The following ERC2 variants were observed in gnomAD, a reference collection of about 807,000 sequenced individuals.
The protein encoded by ERC2 is ERC protein 2.
A neutral mutation model predicts 114.8 loss-of-function variants in ERC2; 42 were observed. The ratio of observed to expected loss-of-function variants is 0.37; its 90% CI spans 0.29 to 0.47. ERC2 has a LOEUF of 0.47. ERC2 is among the 20% of genes least tolerant of loss of function. The probability of loss-of-function intolerance (pLI) is 0.99; values close to 1 mark genes in which losing one functional copy is unlikely to be tolerated. For missense variants in ERC2, 939 were observed against 1,150.7 expected, an observed-to-expected ratio of 0.82 and a Z score of 2.66; for synonymous variants, 454 against 425.5, an observed-to-expected ratio of 1.07 and a Z score of -0.82.
rs73073980 is a variant in ERC2 at position 56,373,988 on chromosome 3, C to T, written c.657+60363G>A. 6.1e-3 allele frequency among the ~76,000 whole-genome samples: 931 copies of T among 152,246 alleles called. 5 individuals are homozygous for T. The highest frequency in any genetic ancestry group is 0.01 in the Non-Finnish European group (697 of 68,020). On this transcript the variant is annotated intron_variant, in intron 2 of 17. Transcript: ENST00000288221. ...ACCTTTGATCCTCGTTGGCTGACTG[C>T]TGGTCTAAAGAGGAGTTGTCCCAGT...
In ERC2 at chr3:56,166,989, C is replaced by T. The variant is rs568653414; in HGVS notation, c.1149+6457G>A. Among the ~76,000 whole-genome samples the T allele has an allele frequency of 5.8e-4, 89 of 152,206 alleles. 1 individual carries two copies. The highest frequency in any genetic ancestry group is 2.0e-3 in the African/African-American group (83 of 41,548). On this transcript the variant is annotated intron_variant, in intron 4 of 17. Coordinates refer to ENST00000288221, the MANE Select transcript of ERC2 (RefSeq NM_015576.3). ...CTTTTAAATTTACAATGTCTTCTCTCAATCAAACTGAATGATTTGCTCTGC... is the reference window on the plus strand; with the variant it reads ...CTTTTAAATTTACAATGTCTTCTCTTAATCAAACTGAATGATTTGCTCTGC...
At position 56,227,312 on chromosome 3, in the gene ERC2, T is replaced by C. The variant is rs74947773; in HGVS notation, c.1075-53792A>G. On this transcript the variant is annotated intron_variant, in intron 3 of 17. Transcript: ENST00000288221. ...GGAAGTTGCATCGGTTCCTGGGCAG[T>C]TTTTCTAAAGCAATGGGGAGTAAGG... Among the ~76,000 whole-genome samples, 425 of 151,962 alleles carry C rather than the reference T, an allele frequency of 2.8e-3. 1 individual carries two copies. The highest frequency in any genetic ancestry group is 9.9e-3 in the African/African-American group (411 of 41,424).
At position 55,950,485 on chromosome 3, in the gene ERC2, C is replaced by T. The variant is rs2067423500; in HGVS notation, c.2343G>A (p.Gln781=). 2 of 1,614,050 alleles carry T rather than the reference C, an allele frequency of 1.2e-6. No homozygotes were observed. Among genetic ancestry groups the T allele is most frequent in the Admixed American group, 1.7e-5 (1 of 60,026 alleles). ...NQQLEKKKNA[Q]LLEEVRRRED... ...CTCGCCTGCGCACTTCTTCTAGTAA[C>T]TGAGCATTTTTCTTCTTTTCCAACT... Residue 781 remains glutamine, a synonymous_variant, in exon 13 of 18, where the codon CAG becomes CAA. Transcript: ENST00000288221.
At chr3:56,388,974 A>C (rs1253353758) in intron 2 of ERC2, among the ~76,000 whole-genome samples, 2 of 152,182 alleles carry the variant, frequency 1.3e-5, no homozygotes, top group African/African-American at 2.4e-5. Context: ...AGAAAGAGAA[A>C]TTTATGAAAA....
At chr3:56,177,052 C>T (rs1408043867) in intron 3 of ERC2, among the ~76,000 whole-genome samples, 1 of 152,180 alleles carries the variant, frequency 6.6e-6, no homozygotes, top group Admixed American at 6.5e-5. Context: ...TCTGAAACAT[C>T]ATTTGAAAGG....
At chr3:56,455,780 C>G (rs1397398148) in intron 1 of ERC2, among the ~76,000 whole-genome samples, 1 of 152,190 alleles carries the variant, frequency 6.6e-6, no homozygotes, top group Non-Finnish European at 1.5e-5. Flanking sequence ...CTAAAAAAAT[C>G]TAAGAGCCAA....
chr3:55,809,010 G>A (rs938620160), intron 14 of ERC2, among the ~76,000 whole-genome samples: 1 of 151,600 alleles, frequency 6.6e-6, no homozygotes, highest in African/African-American at 2.4e-5. Flanking sequence ...ACCTGGTCTG[G>A]TCAAATAGCA....
chr3:56,167,285 C>T (rs1344161942), intron 4 of ERC2, among the ~76,000 whole-genome samples: 2 of 152,114 alleles, frequency 1.3e-5, no homozygotes, highest in Non-Finnish European at 2.9e-5. Flanking sequence ...CTGAAAGCCT[C>T]ATCATGGTGC....
intron 2 of ERC2, among the ~76,000 whole-genome samples, chr3:56,327,939 C>T (rs1470923859): frequency 6.6e-6 from 1 of 152,092 alleles, no homozygotes; most frequent in African/African-American, 2.4e-5. Context: ...CAGAAAACAC[C>T]AAATGAAGGC....
chr3:56,191,182 G>A (rs1321934465), intron 3 of ERC2, among the ~76,000 whole-genome samples: 1 of 152,142 alleles, frequency 6.6e-6, no homozygotes, highest in African/African-American at 2.4e-5. Flanking sequence ...TAGGCAGGCT[G>A]GTAGCCAGAG....
rs2076059449 is a variant in ERC2 at position 56,057,333 on chromosome 3, A to G, written c.1641+23484T>C. On this transcript the variant is annotated intron_variant, in intron 7 of 17. Coordinates refer to ENST00000288221, the MANE Select transcript of ERC2 (RefSeq NM_015576.3). ...TAAAATTTTGTACCTATTAAATAAT[A>G]ACTCCTTATCTTAACATTTCTTGTT... Among the ~76,000 whole-genome samples the G allele has an allele frequency of 1.3e-5, 2 of 152,200 alleles. 1 individual carries two copies. The highest frequency in any genetic ancestry group is 4.1e-4 in the South Asian group (2 of 4,834).
intron 14 of ERC2, among the ~76,000 whole-genome samples, chr3:55,862,040 C>T (rs2062051039): frequency 1.3e-5 from 2 of 152,172 alleles, no homozygotes; most frequent in South Asian, 2.1e-4. Flanking sequence ...TCTGCTATGG[C>T]CTTTTAACTA....
chr3:55,533,394 C>G (rs1237249308), intron 17 of ERC2, among the ~76,000 whole-genome samples: 2 of 152,210 alleles, frequency 1.3e-5, no homozygotes. Flanking sequence ...AGTATTCACA[C>G]GAATCACCTT....
chr3:56,127,827 CAA>C (rs2079967169), intron 6 of ERC2, among the ~76,000 whole-genome samples: 2 of 151,570 alleles, frequency 1.3e-5, no homozygotes, highest in African/African-American at 4.9e-5. Context: ...CATTTGTAGC[CAA>C]CTGATTTTCA....
At chr3:55,816,233 G>T (rs1357735522) in intron 14 of ERC2, among the ~76,000 whole-genome samples, 1 of 152,212 alleles carries the variant, frequency 6.6e-6, no homozygotes, top group African/African-American at 2.4e-5. Flanking sequence ...GGCTTTCCTA[G>T]TCTCCCTACT....
Position 55,575,140 on chromosome 3 carries a change from G to A in ERC2, c.*40-63864C>T, listed in dbSNP as rs894652638. Among the ~76,000 whole-genome samples the A allele has an allele frequency of 2.0e-5, 3 of 152,132 alleles. No homozygotes were observed. The South Asian group carries it at 6.2e-4, about 31-fold the overall frequency. On this transcript the variant is annotated intron_variant, in intron 17 of 17. Coordinates refer to ENST00000288221, the MANE Select transcript of ERC2 (RefSeq NM_015576.3). ...AGTGATTCTCATGCCTCAGCTTCCC[G>A]AGTAGCTGGGATTACAGGCATGCGC...
intron 6 of ERC2, among the ~76,000 whole-genome samples, chr3:56,093,732 A>G (rs2077911226): frequency 6.6e-6 from 1 of 152,200 alleles, no homozygotes; most frequent in Non-Finnish European, 1.5e-5. Context: ...AAACATGCTT[A>G]ATCTTATGTT....
Position 56,011,309 on chromosome 3 carries a change from T to C in ERC2, c.1780-720A>G, listed in dbSNP as rs143639308. Among the ~76,000 whole-genome samples the C allele has an allele frequency of 1.4e-3, 219 of 152,300 alleles. 3 individuals carry two copies. The East Asian group carries it at 0.034, about 23-fold the overall frequency. ...ACATGCTAGGCACTGTGATGTGCTCTCCTCATCAGCCCTCATCACAAGCGC... is the reference window on the plus strand; with the variant it reads ...ACATGCTAGGCACTGTGATGTGCTCCCCTCATCAGCCCTCATCACAAGCGC... On this transcript the variant is annotated intron_variant, in intron 8 of 17. Coordinates refer to ENST00000288221, the MANE Select transcript of ERC2 (RefSeq NM_015576.3).
rs560118726 is a variant in ERC2 at position 55,795,432 on chromosome 3, C to A, written c.2565-60514G>T. On this transcript the variant is annotated intron_variant, in intron 14 of 17. Transcript: ENST00000288221. ...TTCACCGTCATAAGAACACTGGGATCCTGCTGTCATAAAACCGTTTTGACC... is the reference window on the plus strand; with the variant it reads ...TTCACCGTCATAAGAACACTGGGATACTGCTGTCATAAAACCGTTTTGACC... 4.6e-5 allele frequency among the ~76,000 whole-genome samples: 7 copies of A among 152,306 alleles called. No individual in the cohort carries two copies. The South Asian group carries it at 1.5e-3, about 32-fold the overall frequency.
Sources: gnomAD v4.1 joint callset for allele counts (sites outside exome capture counted in the v4.1 genomes callset) on GRCh38, gnomAD v4.1.1 for gene constraint, MANE v1.5 for transcripts, NCBI Gene and HGNC (gene_info 2026-07-23, HGNC 2026-07-21) for gene names.